Variants in DLG2 observed in about 807,000 individuals in gnomAD.
DLG2 encodes disks large homolog 2.
A neutral mutation model predicts 132.5 loss-of-function variants in DLG2; 45 were observed. That is an observed-to-expected ratio of 0.34 (90% CI 0.27 to 0.44). The LOEUF is 0.44. Among genes scored for constraint, DLG2 ranks in the 20% least tolerant of loss-of-function variants. The probability of loss-of-function intolerance (pLI) is 1.00; values close to 1 mark genes in which losing one functional copy is unlikely to be tolerated. For missense variants in DLG2, 1,045 were observed against 1,196.9 expected (o/e 0.87, Z 1.87); for synonymous variants, 424 against 419.6 (o/e 1.01, Z -0.13).
intron 6 of DLG2, among the ~76,000 whole-genome samples, chr11:84,908,001 C>T (rs894223233): frequency 2.0e-5 from 3 of 152,078 alleles, no homozygotes; most frequent in Non-Finnish European, 2.9e-5. Context: ...ATCTGTCTTT[C>T]TCAAGATAGG....
At chr11:83,837,955 A>G (rs771817661) in intron 16 of DLG2, among the ~76,000 whole-genome samples, 1 of 152,110 alleles carries the variant, frequency 6.6e-6, no homozygotes, top group Non-Finnish European at 1.5e-5. Flanking sequence ...TTTTCATGAA[A>G]AGGTTATTGT....
intron 7 of DLG2, among the ~76,000 whole-genome samples, chr11:84,349,202 A>G (rs566078291): frequency 5.4e-4 from 82 of 152,300 alleles, no homozygotes; most frequent in African/African-American, 1.8e-3. Flanking sequence ...TATTATAAAT[A>G]TGATTTTCAT....
chr11:84,139,646 A>C (rs2094756522), intron 9 of DLG2, among the ~76,000 whole-genome samples: 1 of 152,138 alleles, frequency 6.6e-6, no homozygotes, highest in African/African-American at 2.4e-5. Flanking sequence ...TGCTGTACAG[A>C]TGAGAATACT....
At chr11:83,905,499 A>G (rs1313615081) in intron 15 of DLG2, among the ~76,000 whole-genome samples, 2 of 152,156 alleles carry the variant, frequency 1.3e-5, no homozygotes, top group Non-Finnish European at 2.9e-5. Context: ...TGGCTTATAT[A>G]TGGTATGTCT....
At chr11:84,054,333 A>C (rs116178540) in intron 11 of DLG2, among the ~76,000 whole-genome samples, 1 of 151,962 alleles carries the variant, frequency 6.6e-6, no homozygotes, top group Non-Finnish European at 1.5e-5. Flanking sequence ...CAGTAAATCT[A>C]TTTCCTGGAA....
intron 7 of DLG2, among the ~76,000 whole-genome samples, chr11:84,338,757 G>A (rs541816890): frequency 1.3e-5 from 2 of 152,264 alleles, no homozygotes; most frequent in South Asian, 4.1e-4. Context: ...AGTGAGCCAA[G>A]ATGGCGCCAC....
intron 6 of DLG2, among the ~76,000 whole-genome samples, chr11:84,923,934 G>A (rs1009493845): frequency 6.6e-6 from 1 of 152,060 alleles, no homozygotes; most frequent in African/African-American, 2.4e-5. Context: ...ATTGGTACAT[G>A]ACAATCAGTA....
intron 7 of DLG2, among the ~76,000 whole-genome samples, chr11:84,471,733 T>C (rs2099108947): frequency 6.6e-6 from 1 of 151,652 alleles, no homozygotes. Context: ...TTTGTTCTGG[T>C]CTGTCCTCCC....
intron 6 of DLG2, among the ~76,000 whole-genome samples, chr11:84,616,820 T>C (rs2099605226): frequency 6.6e-6 from 1 of 152,092 alleles, no homozygotes; most frequent in Non-Finnish European, 1.5e-5. Flanking sequence ...GTATCTGAAG[T>C]TTTATTATTG....
intron 6 of DLG2, among the ~76,000 whole-genome samples, chr11:85,067,181 A>T (rs998068408): frequency 1.3e-5 from 2 of 151,790 alleles, no homozygotes; most frequent in African/African-American, 4.8e-5. Context: ...CTGTGGGATC[A>T]GTGGTGATAT....
At chr11:84,475,195 G>T (rs2099118457) in intron 7 of DLG2, among the ~76,000 whole-genome samples, 1 of 152,066 alleles carries the variant, frequency 6.6e-6, no homozygotes, top group Non-Finnish European at 1.5e-5. Flanking sequence ...TGTGACGTCT[G>T]TCTTTCCTTC....
chr11:84,273,489 A>G (rs116673277), intron 7 of DLG2, among the ~76,000 whole-genome samples: 1,615 of 152,246 alleles, frequency 0.011, 25 homozygotes, highest in Middle Eastern at 0.048. Context: ...TTTCATTCCT[A>G]CACTTGTGAA....
In DLG2 at chr11:83,499,898, T is replaced by TATATATAA. The variant is rs1555113167; in HGVS notation, c.2194-15671_2194-15670insTTATATAT. ...ATATATATATATATATATATATATA[T>TATATATAA]CAGTTCTGTCCCTCCAGAGAACTCT... On this transcript the variant is annotated intron_variant, in intron 21 of 27. Transcript: ENST00000376104. Among the ~76,000 whole-genome samples, 111 of 96,394 alleles carry TATATATAA rather than the reference T, an allele frequency of 1.2e-3. 3 individuals carry two copies. Among genetic ancestry groups the TATATATAA allele is most frequent in the Admixed American group, 2.0e-3 (17 of 8,710 alleles). The allele number at this position is 96,394 out of a possible 152,430, so 63.2% of individuals were successfully genotyped here. A position where few individuals can be genotyped will look rare whatever the true frequency, so the allele number is the denominator to read the frequency against.
Position 84,144,891 on chromosome 11 carries a change from G to T in DLG2, c.624+18570C>A, listed in dbSNP as rs199952669. Among the ~76,000 whole-genome samples, 3 of 152,130 alleles carry T rather than the reference G, an allele frequency of 2.0e-5. No individual in the cohort carries two copies. The East Asian group carries it at 5.8e-4, about 29-fold the overall frequency. On this transcript the variant is annotated intron_variant, in intron 9 of 27. Coordinates refer to ENST00000376104, the MANE Select transcript of DLG2 (RefSeq NM_001142699.3). Reference sequence around the variant, plus strand: ...CAAAGCTGTTATGATTTGTTCAGTTGCAAATAGCAAAATTTCCAGCTTTAC... The same window carrying T: ...CAAAGCTGTTATGATTTGTTCAGTTTCAAATAGCAAAATTTCCAGCTTTAC...
At chr11:85,386,549 T>C (rs999421160) in intron 3 of DLG2, among the ~76,000 whole-genome samples, 3 of 152,148 alleles carry the variant, frequency 2.0e-5, no homozygotes, top group Admixed American at 2.0e-4. Flanking sequence ...ATAATATATG[T>C]AAAGTACAGT....
rs1473144608 is a variant in DLG2, at chr11:83,455,766, A to G, written c.*4052T>C. 6.6e-6 allele frequency: 1 copy of G among 152,664 alleles called. No homozygotes were observed. The highest frequency in any genetic ancestry group is 1.5e-5 in the Non-Finnish European group (1 of 68,046). 9.5% of individuals were successfully genotyped at this position (152,664 alleles called of 1,614,324 possible). On this transcript the variant is annotated 3_prime_UTR_variant, in exon 28 of 28. Transcript: ENST00000376104. ...CCATACATACACAGAAGTAAAATGT[A>G]TATCACAGAATTCTGTAGGGAGTCC...
intron 3 of DLG2, among the ~76,000 whole-genome samples, chr11:85,585,715 G>T (rs1385375102): frequency 3.5e-5 from 5 of 144,288 alleles, no homozygotes; most frequent in African/African-American, 1.3e-4. Context: ...ATATATCACA[G>T]TTTTTTTTTT....
intron 7 of DLG2, among the ~76,000 whole-genome samples, chr11:84,326,935 C>G (rs2098435737): frequency 6.6e-6 from 1 of 151,848 alleles, no homozygotes; most frequent in Admixed American, 6.6e-5. Context: ...GTTATATTTT[C>G]CTGAATTGAC....
At chr11:83,997,809 T>C (rs1027783977) in intron 11 of DLG2, among the ~76,000 whole-genome samples, 5 of 133,408 alleles carry the variant, frequency 3.7e-5, no homozygotes, top group African/African-American at 8.5e-5. Flanking sequence ...GAAACCCAAA[T>C]CGTTTATCAG....
Sources: gnomAD v4.1 joint callset for allele counts (sites outside exome capture counted in the v4.1 genomes callset) on GRCh38, gnomAD v4.1.1 for gene constraint, MANE v1.5 for transcripts, NCBI Gene and HGNC (gene_info 2026-07-23, HGNC 2026-07-21) for gene names.